The following KCNU1 variants were observed in gnomAD, a reference collection of about 807,000 sequenced individuals.
KCNU1 encodes the protein potassium channel subfamily U member 1.
KCNU1 carries 93 observed loss-of-function variants against 126.8 expected under a neutral mutation model. The ratio of observed to expected loss-of-function variants is 0.73; its 90% CI spans 0.62 to 0.87. The LOEUF (loss-of-function observed/expected upper bound fraction) is 0.87, where lower values mean the gene tolerates loss of function less well. Ranked by LOEUF, KCNU1 falls within the 40% of genes least tolerant of loss-of-function variation. The pLI, the probability that KCNU1 is intolerant of heterozygous loss-of-function variation, is 0.00. For missense variants in KCNU1, 1,330 were observed against 1,367.1 expected (o/e 0.97, Z 0.43); for synonymous variants, 523 against 494.2 (o/e 1.06, Z -0.77).
chr8:36,919,689 G>A (rs1202823512), intron 23 of KCNU1, among the ~76,000 whole-genome samples: 1 of 152,216 alleles, frequency 6.6e-6, no homozygotes, highest in African/African-American at 2.4e-5. Flanking sequence ...GGTGCCACTA[G>A]CGCAGATTGA....
intron 24 of KCNU1, among the ~76,000 whole-genome samples, chr8:36,923,330 C>A (rs1268356108): frequency 6.6e-6 from 1 of 152,050 alleles, no homozygotes. Flanking sequence ...TTGACATGTG[C>A]ATGATAAATA....
intron 19 of KCNU1, among the ~76,000 whole-genome samples, chr8:36,872,344 T>G (rs1340727462): frequency 2.0e-5 from 3 of 152,126 alleles, no homozygotes; most frequent in African/African-American, 7.2e-5. Context: ...TCTATGTACA[T>G]CCAATACCAC....
At chr8:36,801,326 G>T (rs1286247954) in intron 2 of KCNU1, among the ~76,000 whole-genome samples, 1 of 152,072 alleles carries the variant, frequency 6.6e-6, no homozygotes, top group Non-Finnish European at 1.5e-5. Context: ...AAATCTGTCA[G>T]CTCCCAGTGC....
chr8:36,887,440 T>G (rs1806751199), intron 19 of KCNU1, among the ~76,000 whole-genome samples: 1 of 130,032 alleles, frequency 7.7e-6, no homozygotes, highest in Non-Finnish European at 1.8e-5. Context: ...TATTGGCCAT[T>G]TGTTTTTTTT....
intron 7 of KCNU1, among the ~76,000 whole-genome samples, chr8:36,809,984 C>A (rs866635626): frequency 2.0e-5 from 3 of 151,922 alleles, no homozygotes; most frequent in Non-Finnish European, 2.9e-5. Flanking sequence ...TCTAATAATC[C>A]CACTCTCCCA....
intron 20 of KCNU1, among the ~76,000 whole-genome samples, chr8:36,906,727 G>A (rs778352689): frequency 4.6e-5 from 7 of 152,202 alleles, no homozygotes; most frequent in Middle Eastern, 3.4e-3. Context: ...CCAGTGTCCT[G>A]ACAGAATATA....
intron 2 of KCNU1, among the ~76,000 whole-genome samples, chr8:36,799,800 C>A (rs1194089812): frequency 1.3e-5 from 2 of 151,982 alleles, no homozygotes. Flanking sequence ...CTCGGCCTCC[C>A]AAATTGCTGG....
chr8:36,881,888 AGTTACCAT>A (rs1806496595), intron 19 of KCNU1, among the ~76,000 whole-genome samples: 1 of 151,274 alleles, frequency 6.6e-6, no homozygotes, highest in Non-Finnish European at 1.5e-5. Context: ...TAGGTATTTG[AGTTACCAT>A]GTTATAGCCA....
At chr8:36,923,148 GCCACCTGGCAGA>G (rs1808422502) in intron 24 of KCNU1, 1 of 445,586 alleles carries the variant, frequency 2.2e-6, no homozygotes. Flanking sequence ...CACCTCTTTA[GCCACCTGGCAGA>G]CCTTTTCCAT....
chr8:36,800,697 A>G (rs1803271067), intron 2 of KCNU1, among the ~76,000 whole-genome samples: 1 of 152,234 alleles, frequency 6.6e-6, no homozygotes, highest in South Asian at 2.1e-4. Flanking sequence ...AAAAATGTAC[A>G]GCTCTTCTCA....
At position 36,815,693 on chromosome 8, in the gene KCNU1, T is replaced by A; in HGVS notation, c.995+6T>A. On this transcript the variant is annotated splice_donor_region_variant and intron_variant, in intron 9 of 26. Coordinates refer to ENST00000399881, the MANE Select transcript of KCNU1 (RefSeq NM_001031836.3). ...GAAGCACTCAAAGGAAAGAAGTAAG[T>A]AGTGTTTTAAGTATAATTTCTACAG... 1 of 1,476,506 alleles carries A rather than the reference T, an allele frequency of 6.8e-7. No individual in the cohort carries two copies. Among genetic ancestry groups the A allele is most frequent in the Non-Finnish European group, 9.4e-7 (1 of 1,067,878 alleles). The allele number at this position is 1,476,506 out of a possible 1,614,324, so 91.5% of individuals were successfully genotyped here.
chr8:36,805,798 T>C (rs1190709615), intron 4 of KCNU1, among the ~76,000 whole-genome samples: 2 of 152,210 alleles, frequency 1.3e-5, no homozygotes, highest in Non-Finnish European at 2.9e-5. Flanking sequence ...TGTGTGTATA[T>C]AAAATATACA....
intron 11 of KCNU1, among the ~76,000 whole-genome samples, chr8:36,834,445 A>G (rs1804672928): frequency 6.6e-6 from 1 of 152,232 alleles, no homozygotes; most frequent in Admixed American, 6.5e-5. Context: ...GTAAATACAC[A>G]GACGGTTGCT....
intron 19 of KCNU1, among the ~76,000 whole-genome samples, chr8:36,883,785 T>A (rs1806584327): frequency 2.6e-5 from 4 of 152,120 alleles, no homozygotes; most frequent in Non-Finnish European, 5.9e-5. Flanking sequence ...AGCCAGACCC[T>A]GTCTCAAAAA....
At chr8:36,922,685 A>G (rs1808401305) in intron 24 of KCNU1, 56 bp downstream of exon 24, 2 of 1,572,412 alleles carry the variant, frequency 1.3e-6, no homozygotes, top group African/African-American at 1.4e-5. Context: ...AGAGAAGTGA[A>G]CAGGTAGTAT....
intron 7 of KCNU1, among the ~76,000 whole-genome samples, chr8:36,813,380 T>C (rs1013261849): frequency 1.3e-5 from 2 of 151,676 alleles, no homozygotes; most frequent in African/African-American, 4.8e-5. Flanking sequence ...TCTTTTGTGC[T>C]AAATAGAAAT....
intron 2 of KCNU1, among the ~76,000 whole-genome samples, chr8:36,803,244 G>T (rs1425398235): frequency 2.0e-5 from 3 of 152,158 alleles, no homozygotes. Context: ...CTAAAATAAA[G>T]AGAAGATTTA....
rs1240569661 is a variant in KCNU1 at position 36,878,874 on chromosome 8, G to C, written c.2009+14353G>C. Among the ~76,000 whole-genome samples, 3 of 147,092 alleles carry C rather than the reference G, an allele frequency of 2.0e-5. No homozygotes were observed. The East Asian group carries it at 5.9e-4, about 29-fold the overall frequency. On this transcript the variant is annotated intron_variant, in intron 19 of 26. Coordinates refer to ENST00000399881, the MANE Select transcript of KCNU1 (RefSeq NM_001031836.3). Reference sequence around the variant, plus strand: ...TAAAATATATATTTATATTGTATATGTATATAAATATATAATACATTTTAA... The same window carrying C: ...TAAAATATATATTTATATTGTATATCTATATAAATATATAATACATTTTAA...
intron 22 of KCNU1, among the ~76,000 whole-genome samples, chr8:36,918,411 T>A (rs959602812): frequency 4.6e-5 from 7 of 151,184 alleles, no homozygotes; most frequent in African/African-American, 1.7e-4. Flanking sequence ...ATAAATTAGC[T>A]GGGTATGGAG....
Sources: allele counts gnomAD v4.1 joint callset (sites outside exome capture counted in the v4.1 genomes callset), GRCh38; gene constraint gnomAD v4.1.1; transcripts MANE v1.5; gene names NCBI Gene and HGNC (gene_info 2026-07-23, HGNC 2026-07-21).